Variants in NDST4 observed in about 807,000 individuals in gnomAD.
NDST4 encodes N-deacetylase and N-sulfotransferase 4.
A neutral mutation model predicts 100.8 loss-of-function variants in NDST4; 63 were observed. That is an observed-to-expected ratio of 0.62 (90% CI 0.51 to 0.77). The LOEUF is 0.77. NDST4 is among the 30% of genes least tolerant of loss of function. The pLI is 0.00. For synonymous variants in NDST4, 377 were observed against 361.8 expected, an observed-to-expected ratio of 1.04 and a Z score of -0.48; for missense variants, 943 against 1,018.4, an observed-to-expected ratio of 0.93 and a Z score of 1.01.
intron 1 of NDST4, among the ~76,000 whole-genome samples, chr4:115,102,061 C>T (rs1218601551): frequency 6.6e-6 from 1 of 152,072 alleles, no homozygotes; most frequent in African/African-American, 2.4e-5. Flanking sequence ...TATTTATTTT[C>T]TGTACTTTTC....
chr4:115,028,338 A>G (rs992812962), intron 2 of NDST4, among the ~76,000 whole-genome samples: 2 of 152,152 alleles, frequency 1.3e-5, no homozygotes, highest in Non-Finnish European at 2.9e-5. Flanking sequence ...CACTTTGGAC[A>G]GAAACTTCCA....
chr4:114,998,990 T>C (rs1300917022), intron 2 of NDST4, among the ~76,000 whole-genome samples: 9 of 152,050 alleles, frequency 5.9e-5, no homozygotes, highest in East Asian at 5.8e-4. Context: ...TCACACAAGA[T>C]TGAGAAAGTA....
intron 6 of NDST4, among the ~76,000 whole-genome samples, chr4:114,925,983 C>T (rs1725378610): frequency 6.6e-6 from 1 of 152,052 alleles, no homozygotes; most frequent in African/African-American, 2.4e-5. Flanking sequence ...TTTTCAGTTG[C>T]TGCATATTTT....
At chr4:114,860,708 A>G (rs1019638511) in intron 7 of NDST4, among the ~76,000 whole-genome samples, 3 of 152,194 alleles carry the variant, frequency 2.0e-5, no homozygotes, top group Non-Finnish European at 2.9e-5. Flanking sequence ...TGAGAAATAC[A>G]TCTTCATTTT....
rs752113450 is a variant in NDST4 at position 115,076,014 on chromosome 4, A to G, written c.978+45T>C. On this transcript the variant is annotated intron_variant, in intron 2 of 13. Transcript: ENST00000264363. Reference sequence around the variant, plus strand: ...ATATTAGTAATATTTTATCGGTACCATATTGTGAAATACAAATTTCGATGT... The same window carrying G: ...ATATTAGTAATATTTTATCGGTACCGTATTGTGAAATACAAATTTCGATGT... 5.2e-6 allele frequency: 8 copies of G among 1,551,552 alleles called. No individual in the cohort carries two copies. The South Asian group carries it at 7.6e-5, about 15-fold the overall frequency.
intron 1 of NDST4, among the ~76,000 whole-genome samples, chr4:115,079,059 A>G (rs1729248845): frequency 6.6e-6 from 1 of 151,982 alleles, no homozygotes; most frequent in South Asian, 2.1e-4. Context: ...TTCCCATTAT[A>G]CACTACATTA....
chr4:114,895,390 A>C (rs567809076), intron 6 of NDST4, among the ~76,000 whole-genome samples: 1 of 152,216 alleles, frequency 6.6e-6, no homozygotes, highest in South Asian at 2.1e-4. Context: ...TCTAGAAGAA[A>C]TGAATACATT....
chr4:114,966,723 C>T (rs529067662), intron 4 of NDST4, among the ~76,000 whole-genome samples: 10 of 152,122 alleles, frequency 6.6e-5, no homozygotes, highest in Middle Eastern at 3.4e-3. Flanking sequence ...CTCATAATTG[C>T]TTCAATTCCA....
At chr4:114,963,771 A>T (rs900756262) in intron 4 of NDST4, among the ~76,000 whole-genome samples, 1 of 152,246 alleles carries the variant, frequency 6.6e-6, no homozygotes, top group African/African-American at 2.4e-5. Context: ...TGTAATTGAC[A>T]TTAACCTTGA....
intron 6 of NDST4, among the ~76,000 whole-genome samples, chr4:114,933,054 T>C (rs1725546975): frequency 1.3e-5 from 2 of 152,130 alleles, no homozygotes; most frequent in Admixed American, 6.5e-5. Flanking sequence ...AGACATCATG[T>C]TATCTATCAT....
chr4:114,984,725 A>T (rs1320612635), intron 2 of NDST4, among the ~76,000 whole-genome samples: 1 of 152,040 alleles, frequency 6.6e-6, no homozygotes, highest in Non-Finnish European at 1.5e-5. Context: ...CTGCCTTAAA[A>T]CTCAGTCTAA....
chr4:115,045,992 T>C (rs1203137097), intron 2 of NDST4, among the ~76,000 whole-genome samples: 1 of 152,096 alleles, frequency 6.6e-6, no homozygotes, highest in Non-Finnish European at 1.5e-5. Flanking sequence ...TATTCACCAA[T>C]TGTGGAAGTT....
chr4:114,850,994 A>G (rs578190380), intron 8 of NDST4, among the ~76,000 whole-genome samples: 1 of 152,268 alleles, frequency 6.6e-6, no homozygotes, highest in Non-Finnish European at 1.5e-5. Flanking sequence ...TTCAGCCCAC[A>G]GGAATCTCTT....
At chr4:115,060,084 C>G (rs1298851133) in intron 2 of NDST4, among the ~76,000 whole-genome samples, 2 of 151,976 alleles carry the variant, frequency 1.3e-5, no homozygotes, top group Non-Finnish European at 2.9e-5. Flanking sequence ...GAGACTAATA[C>G]TGTGCAGTAA....
rs570779767 is a variant in NDST4 at position 114,979,229 on chromosome 4, G to A, written c.979-1955C>T. 7.9e-5 allele frequency among the ~76,000 whole-genome samples: 12 copies of A among 151,642 alleles called. No individual in the cohort carries two copies. In the East Asian group the frequency reaches 1.6e-3, roughly 20 times the overall value. The stretch of plus-strand genomic sequence containing the variant: ...ATCTCCGCCCAAATGTCAACTTTTT[G>A]TATAAAGCCTCCTCTGGTACACCAA... On this transcript the variant is annotated intron_variant, in intron 2 of 13. Transcript: ENST00000264363.
chr4:114,998,749 T>C (rs75014985), intron 2 of NDST4, among the ~76,000 whole-genome samples: 5,066 of 152,124 alleles, frequency 0.033, 293 homozygotes, highest in African/African-American at 0.12. Flanking sequence ...CTTGCTTCCA[T>C]TTCCCTGGGA....
In NDST4 at chr4:114,970,699, T is replaced by C. The variant is rs1726493792; in HGVS notation, c.1067-115A>G. 3.4e-5 allele frequency: 30 copies of C among 880,130 alleles called. No individual in the cohort carries two copies. The South Asian group carries it at 5.4e-4, about 16-fold the overall frequency. The allele number at this position is 880,130 out of a possible 1,614,324, so 54.5% of individuals were successfully genotyped here. On this transcript the variant is annotated intron_variant, in intron 3 of 13. Coordinates refer to ENST00000264363, the MANE Select transcript of NDST4 (RefSeq NM_022569.3). ...CTGCTGATACATATATCCAATTCTG[T>C]GGGCTTTTTAAATCAGAATAAAAGA...
At chr4:115,011,504 A>T (rs964361399) in intron 2 of NDST4, among the ~76,000 whole-genome samples, 6 of 151,844 alleles carry the variant, frequency 4.0e-5, no homozygotes, top group Non-Finnish European at 7.4e-5. Context: ...CACTTCCTTA[A>T]AATGGTTGGT....
rs1030128337 is a variant in NDST4 at position 114,845,694 on chromosome 4, T to TG, written c.2115+128dup. 8 of 722,406 alleles carry TG rather than the reference T, an allele frequency of 1.1e-5. No individual in the cohort carries two copies. In the African/African-American group the frequency reaches 1.3e-4, roughly 11 times the overall value. The allele number at this position is 722,406 out of a possible 1,614,324, so 44.7% of individuals were successfully genotyped here. ...AGCTCATATTTCTCATATTTTTTGG[T>TG]GGGGGTTGTGGGTTTAGATATTCTT... On this transcript the variant is annotated intron_variant, in intron 10 of 13. Coordinates refer to ENST00000264363, the MANE Select transcript of NDST4 (RefSeq NM_022569.3).
Sources: gnomAD v4.1 joint callset for allele counts (sites outside exome capture counted in the v4.1 genomes callset) on GRCh38, gnomAD v4.1.1 for gene constraint, MANE v1.5 for transcripts, NCBI Gene and HGNC (gene_info 2026-07-23, HGNC 2026-07-21) for gene names.